The following UBE2W variants were observed in gnomAD, a reference collection of about 807,000 sequenced individuals.
UBE2W encodes ubiquitin-conjugating enzyme E2 W.
A neutral mutation model predicts 27.2 loss-of-function variants in UBE2W; 18 were observed. That is an observed-to-expected ratio of 0.66 (90% CI 0.46 to 0.98). The LOEUF (loss-of-function observed/expected upper bound fraction) is 0.98, where lower values mean the gene tolerates loss of function less well. UBE2W is among the 50% of genes least tolerant of loss of function. The pLI is 0.00. For synonymous variants in UBE2W, 53 were observed against 57.2 expected, an observed-to-expected ratio of 0.93 and a Z score of 0.33; for missense variants, 90 against 180.2, an observed-to-expected ratio of 0.50 and a Z score of 2.87.
chr8:73,803,245 A>G (rs1808721799), intron 5 of UBE2W, among the ~76,000 whole-genome samples: 1 of 152,030 alleles, frequency 6.6e-6, no homozygotes, highest in African/African-American at 2.4e-5. Flanking sequence ...AATAAATACA[A>G]ATACTGAACC....
intron 1 of UBE2W, among the ~76,000 whole-genome samples, chr8:73,856,034 T>C (rs893368078): frequency 6.6e-6 from 1 of 152,326 alleles, no homozygotes; most frequent in African/African-American, 2.4e-5. Flanking sequence ...CTTTTCTATA[T>C]TACCTTCGTC....
chr8:73,835,471 G>A (rs866146182), intron 1 of UBE2W, among the ~76,000 whole-genome samples: 7 of 152,146 alleles, frequency 4.6e-5, no homozygotes, highest in Non-Finnish European at 8.8e-5. Context: ...GGCCGGGTGC[G>A]ATGGCTCATG....
intron 5 of UBE2W, among the ~76,000 whole-genome samples, chr8:73,797,421 C>T (rs1261449318): frequency 1.3e-5 from 2 of 152,060 alleles, no homozygotes; most frequent in African/African-American, 4.8e-5. Flanking sequence ...CGAACCAATT[C>T]AAGAGATATT....
At chr8:73,784,033 G>A (rs972298523), downstream of UBE2W, among the ~76,000 whole-genome samples, 1 of 152,078 alleles carries the variant, frequency 6.6e-6, no homozygotes, top group Admixed American at 6.6e-5. Context: ...TTACAGGTGT[G>A]AGCCACCACA....
At position 73,790,729 on chromosome 8, in the gene UBE2W, T is replaced by G; in HGVS notation, c.*3373A>C. 1.0e-6 allele frequency: 1 copy of G among 975,248 alleles called. No individual in the cohort carries two copies. The highest frequency in any genetic ancestry group is 1.2e-6 in the Non-Finnish European group (1 of 820,788). 60.4% of individuals were successfully genotyped at this position (975,248 alleles called of 1,614,324 possible). On this transcript the variant is annotated 3_prime_UTR_variant, in exon 6 of 6. Transcript: ENST00000602593. ...TAAATATCTCAATTCTGAAAAACAA[T>G]AGGCTTTTAAAAAATAAGACTTGAT...
intron 2 of UBE2W, 120 bp downstream of exon 2, chr8:73,830,256 TTACTC>T (rs1196169843): frequency 2.7e-5 from 18 of 665,670 alleles, no homozygotes; most frequent in African/African-American, 2.0e-4. Flanking sequence ...TAAGATCTGT[TTACTC>T]TATTTACCTC....
Position 73,786,414 on chromosome 8 carries a change from A to T in UBE2W, c.*7688T>A. 1.0e-6 allele frequency: 1 copy of T among 985,282 alleles called. No homozygotes were observed. The highest frequency in any genetic ancestry group is 1.2e-6 in the Non-Finnish European group (1 of 829,776). 61.0% of individuals were successfully genotyped at this position (985,282 alleles called of 1,614,324 possible). A position where few individuals can be genotyped will look rare whatever the true frequency, so the allele number is the denominator to read the frequency against. ...AAGTTAATTCAATACACACTTATTA[A>T]ATGCCTATGTGCTACAGGTACTGTA... On this transcript the variant is annotated 3_prime_UTR_variant, in exon 6 of 6. Coordinates refer to ENST00000602593, the MANE Select transcript of UBE2W (RefSeq NM_018299.6).
intron 3 of UBE2W, among the ~76,000 whole-genome samples, chr8:73,812,165 G>C (rs1809176807): frequency 6.7e-6 from 1 of 148,378 alleles, no homozygotes; most frequent in Non-Finnish European, 1.5e-5. Flanking sequence ...TTCCATACTT[G>C]CATCTATTTC....
intron 3 of UBE2W, among the ~76,000 whole-genome samples, chr8:73,824,361 A>G (rs1306452072): frequency 6.6e-6 from 1 of 152,216 alleles, no homozygotes; most frequent in Non-Finnish European, 1.5e-5. Context: ...GCTGATGTTT[A>G]GATATTTAAC....
intron 3 of UBE2W, among the ~76,000 whole-genome samples, chr8:73,816,931 G>A (rs1466392470): frequency 1.3e-5 from 2 of 152,132 alleles, no homozygotes; most frequent in East Asian, 1.9e-4. Flanking sequence ...CTACTGTGGA[G>A]GCTGAGGCAG....
chr8:73,841,695 G>A (rs891647375), intron 1 of UBE2W, among the ~76,000 whole-genome samples: 3 of 152,126 alleles, frequency 2.0e-5, no homozygotes, highest in South Asian at 2.1e-4. Flanking sequence ...TATATACCCC[G>A]GATAATTACA....
chr8:73,867,760 T>G lies in UBE2W; in HGVS notation c.15+11048A>C, dbSNP rs574802302. ...TTGGGCAAAAAATTTGCATAGATAT[T>G]TCTCCACCGAAATACCAATATGCAC... On this transcript the variant is annotated intron_variant, in intron 1 of 5. Coordinates refer to ENST00000602593, the MANE Select transcript of UBE2W (RefSeq NM_018299.6). Among the ~76,000 whole-genome samples, 10 of 151,602 alleles carry G rather than the reference T, an allele frequency of 6.6e-5. No individual in the cohort carries two copies. In the East Asian group the frequency reaches 1.9e-3, roughly 29 times the overall value.
intron 1 of UBE2W, among the ~76,000 whole-genome samples, chr8:73,845,511 T>TACTC (rs1371949167): frequency 6.6e-6 from 1 of 152,158 alleles, no homozygotes; most frequent in African/African-American, 2.4e-5. Context: ...GAAGGCAGCA[T>TACTC]ACTCGTTAAG....
At chr8:73,821,628 A>C (rs1182516488) in intron 3 of UBE2W, among the ~76,000 whole-genome samples, 1 of 147,858 alleles carries the variant, frequency 6.8e-6, no homozygotes, top group Non-Finnish European at 1.5e-5. Context: ...GCCTTCAAAC[A>C]AATCTATTGG....
rs1184555345 is a variant in UBE2W at position 73,790,422 on chromosome 8, G to A, written c.*3680C>T. ...CATTACTATAACACAGAACAGTATA[G>A]TAGCTGATTCTGATAATGAATCCTC... is the stretch of plus-strand genomic sequence containing the variant. On this transcript the variant is annotated 3_prime_UTR_variant, in exon 6 of 6. Coordinates refer to ENST00000602593, the MANE Select transcript of UBE2W (RefSeq NM_018299.6). 1.0e-6 allele frequency: 1 copy of A among 985,294 alleles called. No individual in the cohort carries two copies. Among genetic ancestry groups the A allele is most frequent in the Non-Finnish European group, 1.2e-6 (1 of 829,932 alleles). The allele number at this position is 985,294 out of a possible 1,614,324, so 61.0% of individuals were successfully genotyped here. A position where few individuals can be genotyped will look rare whatever the true frequency, so the allele number is the denominator to read the frequency against.
At chr8:73,817,451 C>G (rs1472840617) in intron 3 of UBE2W, among the ~76,000 whole-genome samples, 1 of 152,176 alleles carries the variant, frequency 6.6e-6, no homozygotes, top group African/African-American at 2.4e-5. Context: ...AATGGAAGAA[C>G]TTTCTCTTGG....
chr8:73,788,973 T>C lies in UBE2W; in HGVS notation c.*5129A>G, dbSNP rs1808077903. ...TATTTTATTAACAAAAAATTTTTCA[T>C]AAAAAAATAGTCATTTAATCATTCT... On this transcript the variant is annotated 3_prime_UTR_variant, in exon 6 of 6. Transcript: ENST00000602593. The C allele has an allele frequency of 1.0e-6, 1 of 982,904 alleles. No individual in the cohort carries two copies. Among genetic ancestry groups the C allele is most frequent in the Non-Finnish European group, 1.2e-6 (1 of 827,836 alleles). The allele number at this position is 982,904 out of a possible 1,614,324, so 60.9% of individuals were successfully genotyped here. A position where few individuals can be genotyped will look rare whatever the true frequency, so the allele number is the denominator to read the frequency against.
chr8:73,855,015 T>C (rs1811228346), intron 1 of UBE2W, among the ~76,000 whole-genome samples: 1 of 152,236 alleles, frequency 6.6e-6, no homozygotes, highest in Non-Finnish European at 1.5e-5. Context: ...GAATCATCTA[T>C]CTGAAATGGT....
At chr8:73,849,876 T>C (rs970535623) in intron 1 of UBE2W, among the ~76,000 whole-genome samples, 3 of 152,138 alleles carry the variant, frequency 2.0e-5, no homozygotes, top group Non-Finnish European at 2.9e-5. Flanking sequence ...GGCATTGCTA[T>C]GTTAATATCA....
Sources: allele counts gnomAD v4.1 joint callset (sites outside exome capture counted in the v4.1 genomes callset), GRCh38; gene constraint gnomAD v4.1.1; transcripts MANE v1.5; gene names NCBI Gene and HGNC (gene_info 2026-07-23, HGNC 2026-07-21).